The following SERINC2 variants were observed in gnomAD, a reference collection of about 807,000 sequenced individuals.
SERINC2 encodes serine incorporator 2.
Under a neutral mutation model 54.2 loss-of-function variants are expected in SERINC2, and 56 were observed. That is an observed-to-expected ratio of 1.03 (90% CI 0.83 to 1.29). The LOEUF is 1.29. Among genes scored for constraint, SERINC2 ranks in the 50% most tolerant of loss-of-function variants. The pLI, the probability that SERINC2 is intolerant of heterozygous loss-of-function variation, is 0.00. For missense variants in SERINC2, 614 were observed against 607.4 expected (o/e 1.01, Z -0.12); for synonymous variants, 272 against 253.1 (o/e 1.07, Z -0.71).
chr1:31,414,223 A>G (rs960143675), intron 1 of SERINC2: 1 of 1,351,422 alleles, frequency 7.4e-7, no homozygotes, highest in Admixed American at 3.7e-5. Flanking sequence ...GAGGGGCTCC[A>G]GCAAGACCCC....
At chr1:31,424,918 G>A (rs1553133330) in intron 3 of SERINC2, 45 bp downstream of exon 3, 3 of 1,513,478 alleles carry the variant, frequency 2.0e-6, no homozygotes, top group Admixed American at 1.9e-5. Context: ...TTCCCCCAGT[G>A]CCTTGCCCGC....
chr1:31,428,144 A>G (rs1570053904), intron 6 of SERINC2, among the ~76,000 whole-genome samples: 1 of 152,042 alleles, frequency 6.6e-6, no homozygotes, highest in African/African-American at 2.4e-5. Context: ...GGTTCAAGCA[A>G]TTCTCCTGCC....
upstream of SERINC2, chr1:31,410,030 G>A: frequency 2.2e-6 from 2 of 929,858 alleles, no homozygotes; most frequent in Non-Finnish European, 3.2e-6. Context: ...CATCTGTCTG[G>A]GCTGGGTGAT....
chr1:31,410,574 A>G, upstream of SERINC2: 1 of 1,185,256 alleles, frequency 8.4e-7, no homozygotes, highest in Non-Finnish European at 1.2e-6. Context: ...ATCCCTTTAC[A>G]CATACAGTCA....
intron 6 of SERINC2, 22 bp downstream of exon 6, chr1:31,426,845 T>A (rs781800648): frequency 1.2e-6 from 2 of 1,607,436 alleles, no homozygotes; most frequent in Non-Finnish European, 8.5e-7. Context: ...TGACCCCCCC[T>A]GGCCTGAAGC....
chr1:31,433,954 G>T, intron 9 of SERINC2, 110 bp from the exon 10 acceptor site: 1 of 1,125,890 alleles, frequency 8.9e-7, no homozygotes, highest in South Asian at 1.4e-5. Context: ...GAGTTACAGG[G>T]TAAGAGCCAG....
intron 5 of SERINC2, among the ~76,000 whole-genome samples, chr1:31,426,311 G>A (rs925521988): frequency 6.6e-6 from 1 of 152,162 alleles, no homozygotes; most frequent in Non-Finnish European, 1.5e-5. Flanking sequence ...GGCTCACCTG[G>A]GTGCTGTTTG....
intron 1 of SERINC2, chr1:31,414,154 C>T: frequency 7.1e-7 from 1 of 1,409,116 alleles, no homozygotes; most frequent in Non-Finnish European, 9.2e-7. Flanking sequence ...AGTGCCCGGT[C>T]GCGGGTTCGG....
At chr1:31,414,271 C>G (rs1183294408) in intron 1 of SERINC2, 8 of 1,328,422 alleles carry the variant, frequency 6.0e-6, no homozygotes, top group African/African-American at 4.6e-5. Flanking sequence ...TTCCCCAGCC[C>G]CCCTCTCCTT....
chr1:31,409,917 G>A, upstream of SERINC2: 1 of 1,418,062 alleles, frequency 7.1e-7, no homozygotes, highest in Non-Finnish European at 9.6e-7. Context: ...TCGTTCCTAT[G>A]TTGCAGATTT....
At position 31,429,496 on chromosome 1, in the gene SERINC2, T is replaced by C. The variant is rs782269283; in HGVS notation, c.971T>C (p.Ile324Thr). 7 of 1,613,426 alleles carry C rather than the reference T, an allele frequency of 4.3e-6. No homozygotes were observed. The highest frequency in any genetic ancestry group is 5.9e-6 in the Non-Finnish European group (7 of 1,179,736). ...YETQWWDAPS[I>T]VGLIIFLLCT... ...ACCCAGTGGTGGGATGCCCCGAGCA[T>C]TGTGGGCCTCATCATCTTCCTCCTG... Residue 324 changes from isoleucine (I) to threonine (T), a missense_variant, in exon 8 of 10, where the codon ATT becomes ACT. By Grantham distance (89) the Ile-to-Thr change is moderately conservative (BLOSUM62 -1). Coordinates refer to ENST00000373709, the MANE Select transcript of SERINC2 (RefSeq NM_178865.5).
At chr1:31,420,188 T>TCAG (rs1640872929) in intron 1 of SERINC2, among the ~76,000 whole-genome samples, 1 of 152,276 alleles carries the variant, frequency 6.6e-6, no homozygotes, top group African/African-American at 2.4e-5. Flanking sequence ...GTAGGAGCCA[T>TCAG]TCTGGGGTGG....
intron 1 of SERINC2, among the ~76,000 whole-genome samples, chr1:31,416,639 A>G (rs1381755754): frequency 6.6e-6 from 1 of 152,246 alleles, no homozygotes; most frequent in Admixed American, 6.5e-5. Flanking sequence ...TTAAACTGTG[A>G]CGAAATACAT....
chr1:31,427,824 C>CTTTTTTTT (rs71035099), intron 6 of SERINC2, among the ~76,000 whole-genome samples: 3 of 76,574 alleles, frequency 3.9e-5, no homozygotes, highest in African/African-American at 1.2e-4. Flanking sequence ...TTCTTTCTTT[C>CTTTTTTTT]TTTTTTTTTT....
chr1:31,426,933 G>A (rs1641061927), intron 6 of SERINC2, 110 bp downstream of exon 6: 1 of 965,782 alleles, frequency 1.0e-6, no homozygotes, highest in Non-Finnish European at 1.5e-6. Flanking sequence ...GGCACGGCCT[G>A]AGTGTGTGGG....
At chr1:31,417,352 A>G (rs1461114459) in intron 1 of SERINC2, among the ~76,000 whole-genome samples, 1 of 152,154 alleles carries the variant, frequency 6.6e-6, no homozygotes. Context: ...ACTCCCTGGC[A>G]TGGCATACAG....
At position 31,425,847 on chromosome 1, in the gene SERINC2, G is replaced by T. The variant is rs1390216340; in HGVS notation, c.544G>T (p.Ala182Ser). 1.9e-6 allele frequency: 3 copies of T among 1,613,656 alleles called. No individual in the cohort carries two copies. The highest frequency in any genetic ancestry group is 2.2e-5 in the East Asian group (1 of 44,872). The change falls in exon 5 of 10, where the codon GCG (alanine) becomes TCG (serine). Residue 182 changes from alanine to serine, a missense_variant. Coordinates refer to ENST00000373709, the MANE Select transcript of SERINC2 (RefSeq NM_178865.5). ...LIQLVLLIDF[A>S]HSWNQRWLGK... ...CCAGCTGGTGCTGCTCATCGACTTT[G>T]CGCACTCCTGGAACCAGCGGTGGCT...
At position 31,434,016 on chromosome 1, in the gene SERINC2, A is replaced by G. The variant is rs1641395445; in HGVS notation, c.1233-48A>G. The G allele has an allele frequency of 3.1e-6, 5 of 1,599,296 alleles. No homozygotes were observed. The African/African-American group carries it at 4.0e-5, about 13-fold the overall frequency. ...ACATAAGGCCAGGGGCCAAGATGGA[A>G]GTCACCAGACTGGGCACCAGGCTCA... On this transcript the variant is annotated intron_variant, in intron 9 of 9. Coordinates refer to ENST00000373709, the MANE Select transcript of SERINC2 (RefSeq NM_178865.5).
chr1:31,419,582 C>T (rs1640859088), intron 1 of SERINC2, among the ~76,000 whole-genome samples: 1 of 152,200 alleles, frequency 6.6e-6, no homozygotes, highest in African/African-American at 2.4e-5. Flanking sequence ...AATCCCAGCA[C>T]TTTGGGAGGC....
Sources: gnomAD v4.1 joint callset for allele counts (sites outside exome capture counted in the v4.1 genomes callset) on GRCh38, gnomAD v4.1.1 for gene constraint, MANE v1.5 for transcripts, NCBI Gene and HGNC (gene_info 2026-07-23, HGNC 2026-07-21) for gene names.